The following CHLSN variants were observed in gnomAD, a reference collection of about 807,000 sequenced individuals.
The protein encoded by CHLSN is protein cholesin.
the CHLSN span, among the ~76,000 whole-genome samples, chr7:1,135,377 A>C: frequency 6.6e-6 from 1 of 152,056 alleles, no homozygotes; most frequent in Admixed American, 6.6e-5. Context: ...ACATGGTCAT[A>C]TATGTGTACC....
the CHLSN span, chr7:1,055,236 G>A: frequency 3.4e-5 from 16 of 470,922 alleles, no homozygotes; most frequent in African/African-American, 1.0e-4. Flanking sequence ...GGGCGGTGGC[G>A]CCTGCCAAGG....
the CHLSN span, among the ~76,000 whole-genome samples, chr7:1,049,466 C>T: frequency 1.3e-5 from 2 of 152,240 alleles, no homozygotes; most frequent in Admixed American, 1.3e-4. Flanking sequence ...TGCAAAGGCA[C>T]CTGTGTGCAA....
chr7:988,954 C>G, the CHLSN span: 1 of 621,610 alleles, frequency 1.6e-6, no homozygotes, highest in Non-Finnish European at 2.8e-6. Flanking sequence ...CACCCCCACC[C>G]CCACAGGGTC....
the CHLSN span, among the ~76,000 whole-genome samples, chr7:1,013,603 G>A: frequency 6.6e-6 from 1 of 152,348 alleles, no homozygotes; most frequent in African/African-American, 2.4e-5. Context: ...AGGTGTTGTG[G>A]GCGGCTTTGA....
chr7:1,089,044 G>A, the CHLSN span, among the ~76,000 whole-genome samples: 825 of 152,290 alleles, frequency 5.4e-3, 8 homozygotes, highest in African/African-American at 0.019. Flanking sequence ...ACGTTAAGTT[G>A]AGGGTTCTGC....
the CHLSN span, chr7:986,992 AT>A: frequency 7.2e-7 from 1 of 1,384,744 alleles, no homozygotes; most frequent in Non-Finnish European, 9.5e-7. Context: ...ACGCTGAGGG[AT>A]GGCTGAGCCC....
the CHLSN span, chr7:1,058,460 C>T: frequency 1.3e-5 from 10 of 780,374 alleles, 1 homozygote; most frequent in Middle Eastern, 4.5e-4. Context: ...AAAAGCTGCC[C>T]TGCGGGGACC....
chr7:979,091 G>A, the CHLSN span, among the ~76,000 whole-genome samples: 16 of 152,252 alleles, frequency 1.1e-4, no homozygotes, highest in African/African-American at 3.6e-4. Context: ...CTGCATCACT[G>A]TTTGGGATCC....
chr7:1,016,609 CAGCGCACGCCAGAGCACAGT>C, the CHLSN span, among the ~76,000 whole-genome samples: 11 of 143,640 alleles, frequency 7.7e-5, no homozygotes, highest in Non-Finnish European at 1.1e-4. Context: ...CAGCGTACAG[CAGCGCACGCCAGAGCACAGT>C]AGCGCACGCC....
the CHLSN span, chr7:1,010,147 A>T: frequency 6.2e-7 from 1 of 1,607,086 alleles, no homozygotes; most frequent in South Asian, 1.1e-5. Flanking sequence ...CTTCGCCCTG[A>T]AAGTCAAGGA....
At chr7:1,024,973 A>G in the CHLSN span, 3 of 152,284 alleles carry the variant, frequency 2.0e-5, no homozygotes, top group African/African-American at 7.2e-5. Context: ...GGGCTCCCAC[A>G]TACCTGCTCT....
the CHLSN span, among the ~76,000 whole-genome samples, chr7:1,032,339 G>A: frequency 6.6e-6 from 1 of 152,354 alleles, no homozygotes; most frequent in South Asian, 2.1e-4. Context: ...AGGCCTCGGC[G>A]AGGCTCCTGT....
chr7:1,008,240 C>A, the CHLSN span, among the ~76,000 whole-genome samples: 1 of 152,216 alleles, frequency 6.6e-6, no homozygotes, highest in Admixed American at 6.5e-5. Flanking sequence ...CTCTGCCCAG[C>A]CCACACCTTG....
the CHLSN span, among the ~76,000 whole-genome samples, chr7:1,008,061 C>A: frequency 6.6e-6 from 1 of 152,186 alleles, no homozygotes; most frequent in Non-Finnish European, 1.5e-5. Context: ...AAACCCCGCC[C>A]ACCCCAGGCA....
chr7:1,058,144 T>C, the CHLSN span: 1 of 743,156 alleles, frequency 1.3e-6, no homozygotes, highest in East Asian at 2.5e-5. Flanking sequence ...CTGGTGCTAC[T>C]CTCCCGCGTC....
the CHLSN span, among the ~76,000 whole-genome samples, chr7:1,049,951 C>A: frequency 6.6e-6 from 1 of 152,202 alleles, no homozygotes; most frequent in South Asian, 2.1e-4. Flanking sequence ...AGCAGCCACC[C>A]CACCCCACCC....
chr7:1,007,606 G>A, the CHLSN span, among the ~76,000 whole-genome samples: 84 of 152,314 alleles, frequency 5.5e-4, no homozygotes, highest in Admixed American at 2.2e-3. Flanking sequence ...CGGGGTGCCC[G>A]TGTCTGTGGC....
the CHLSN span, among the ~76,000 whole-genome samples, chr7:1,016,811 A>AGCAGCACACG: frequency 2.6e-5 from 2 of 75,946 alleles, no homozygotes; most frequent in African/African-American, 8.4e-5. Context: ...AGCAGCACAC[A>AGCAGCACACG]CCAGCGCACA....
At chr7:1,056,241 A>G in the CHLSN span, 17,599 of 153,180 alleles carry the variant, frequency 0.11, 1,243 homozygotes, top group Middle Eastern at 0.25. Context: ...GCTAGACAAG[A>G]TGAGCACGTG....
Sources: gnomAD v4.1 joint callset for allele counts (sites outside exome capture counted in the v4.1 genomes callset) on GRCh38, gnomAD v4.1.1 for gene constraint, MANE v1.5 for transcripts, NCBI Gene and HGNC (gene_info 2026-07-23, HGNC 2026-07-21) for gene names.